Variants in DDR2 observed in about 807,000 individuals in gnomAD.
DDR2 encodes discoidin domain-containing receptor 2.
A neutral mutation model predicts 94.9 loss-of-function variants in DDR2; 27 were observed. That is an observed-to-expected ratio of 0.28 (90% CI 0.21 to 0.39). DDR2 has a LOEUF of 0.39. DDR2 is among the 10% of genes least tolerant of loss of function. DDR2 has a pLI of 1.00. For synonymous variants in DDR2, 382 were observed against 377.2 expected, an observed-to-expected ratio of 1.01 and a Z score of -0.15; for missense variants, 783 against 1,076.0, an observed-to-expected ratio of 0.73 and a Z score of 3.81.
intron 2 of DDR2, among the ~76,000 whole-genome samples, chr1:162,672,251 T>C (rs1355883964): frequency 1.3e-5 from 2 of 152,162 alleles, no homozygotes; most frequent in South Asian, 4.1e-4. Flanking sequence ...GTCTGTCTCA[T>C]AGAGTTGTGA....
chr1:162,654,740 C>T (rs953277329), intron 1 of DDR2, among the ~76,000 whole-genome samples: 3 of 152,044 alleles, frequency 2.0e-5, no homozygotes, highest in South Asian at 2.1e-4. Flanking sequence ...CATTCTCTCA[C>T]GAGTGTACGG....
chr1:162,756,583 C>T (rs1047342486), intron 7 of DDR2, among the ~76,000 whole-genome samples: 8 of 152,162 alleles, frequency 5.3e-5, no homozygotes, highest in Non-Finnish European at 1.0e-4. Context: ...TTCAGTCCAT[C>T]GTGAAGACCA....
chr1:162,645,066 G>C (rs1406860810), intron 1 of DDR2, among the ~76,000 whole-genome samples: 1 of 152,186 alleles, frequency 6.6e-6, no homozygotes, highest in Non-Finnish European at 1.5e-5. Context: ...ATGGCCAAGG[G>C]CCTTATGGAA....
chr1:162,775,382 C>A (rs1288067183), intron 14 of DDR2, among the ~76,000 whole-genome samples: 1 of 152,066 alleles, frequency 6.6e-6, no homozygotes, highest in Non-Finnish European at 1.5e-5. Flanking sequence ...TTCTGTGTGG[C>A]AGGGATTTTG....
At chr1:162,655,678 C>T (rs1571152348) in intron 2 of DDR2, among the ~76,000 whole-genome samples, 1 of 152,332 alleles carries the variant, frequency 6.6e-6, no homozygotes, top group African/African-American at 2.4e-5. Context: ...GCCAGGGTAC[C>T]TGGCCTCTTT....
chr1:162,733,295 T>C (rs1316144461), intron 3 of DDR2, among the ~76,000 whole-genome samples: 1 of 152,220 alleles, frequency 6.6e-6, no homozygotes. Context: ...TCTTGACTAT[T>C]GGCTGAGATC....
In DDR2 at chr1:162,785,787, T is replaced by G. The variant is rs1648123913; in HGVS notation, c.*5541T>G. On this transcript the variant is annotated 3_prime_UTR_variant, in exon 18 of 18. Coordinates refer to ENST00000367921, the MANE Select transcript of DDR2 (RefSeq NM_006182.4). ...AAAAATTACTCAGACTTGTTCCTGG[T>G]GAAGTGCATTCTCTGTTTGTATACT... The G allele has an allele frequency of 6.6e-6, 1 of 152,244 alleles. No individual in the cohort carries two copies. Among genetic ancestry groups the G allele is most frequent in the South Asian group, 2.1e-4 (1 of 4,830 alleles). 9.4% of individuals were successfully genotyped at this position (152,244 alleles called of 1,614,324 possible).
At chr1:162,761,695 TAC>T (rs1400430941) in intron 9 of DDR2, among the ~76,000 whole-genome samples, 1 of 152,150 alleles carries the variant, frequency 6.6e-6, no homozygotes, top group East Asian at 1.9e-4. Flanking sequence ...TAAATGAGAG[TAC>T]AGTGTGTTAA....
intron 2 of DDR2, among the ~76,000 whole-genome samples, chr1:162,716,611 A>G (rs1401779091): frequency 1.3e-5 from 2 of 152,088 alleles, no homozygotes; most frequent in African/African-American, 4.8e-5. Flanking sequence ...TGTAGATCAC[A>G]TACCCCTCAG....
At position 162,715,395 on chromosome 1, in the gene DDR2, T is replaced by A. The variant is rs529420287; in HGVS notation, c.-27-3642T>A. Among the ~76,000 whole-genome samples, 13 of 152,240 alleles carry A rather than the reference T, an allele frequency of 8.5e-5. No homozygotes were observed. The East Asian group carries it at 2.5e-3, about 29-fold the overall frequency. On this transcript the variant is annotated intron_variant, in intron 2 of 17. Transcript: ENST00000367921. ...ATGAGAGAATATTTTGCTGAGAAAG[T>A]GACCATTTAGTAGAGATTTGAACTA...
chr1:162,717,208 G>T (rs944597455), intron 2 of DDR2, among the ~76,000 whole-genome samples: 5 of 152,028 alleles, frequency 3.3e-5, no homozygotes, highest in African/African-American at 1.2e-4. Context: ...GCTAATTTTT[G>T]TATTTCTAAC....
intron 3 of DDR2, chr1:162,741,825 CTCTT>C (rs1662627468): frequency 1.2e-6 from 1 of 838,592 alleles, no homozygotes; most frequent in Admixed American, 6.2e-5. Flanking sequence ...CCAGAAGCCT[CTCTT>C]TATTCATTAA....
At chr1:162,767,200 T>C (rs775274493) in intron 10 of DDR2, 29 bp from the exon 11 acceptor site, 1 of 1,614,048 alleles carries the variant, frequency 6.2e-7, no homozygotes, top group Non-Finnish European at 8.5e-7. Context: ...GAGATGATTG[T>C]ATTCTCTGCC....
chr1:162,777,534 A>G (rs1647643671), intron 16 of DDR2, among the ~76,000 whole-genome samples: 2 of 152,094 alleles, frequency 1.3e-5, no homozygotes, highest in African/African-American at 4.8e-5. Context: ...GAATTGCTAT[A>G]TTTTACCCAT....
intron 3 of DDR2, among the ~76,000 whole-genome samples, chr1:162,733,944 C>A (rs1233602989): frequency 6.6e-6 from 1 of 152,112 alleles, no homozygotes; most frequent in Non-Finnish European, 1.5e-5. Flanking sequence ...ATAGAAAGAG[C>A]CAGTAATAGC....
intron 2 of DDR2, among the ~76,000 whole-genome samples, chr1:162,672,297 ATAAAAAAAAGT>A (rs1175906450): frequency 6.6e-6 from 1 of 152,080 alleles, no homozygotes; most frequent in African/African-American, 2.4e-5. Flanking sequence ...AGTAGTGCTT[ATAAAAAAAAGT>A]CTGACATAAT....
Position 162,773,540 on chromosome 1 carries a change from C to T in DDR2, c.1800C>T (p.Asn600=), listed in dbSNP as rs764842026. The T allele has an allele frequency of 9.9e-6, 16 of 1,613,986 alleles. No homozygotes were observed. Among genetic ancestry groups the T allele is most frequent in the Non-Finnish European group, 1.2e-5 (14 of 1,179,978 alleles). ...DKDFALDVSA[N]QPVLVAVKML... The stretch of plus-strand genomic sequence containing the variant: ...ATTTTGCCCTAGATGTCAGTGCCAA[C>T]CAGCCTGTCCTGGTGGCTGTGAAAA... Residue 600 remains asparagine, a synonymous_variant, in exon 14 of 18, where the codon AAC becomes AAT. Transcript: ENST00000367921.
intron 3 of DDR2, among the ~76,000 whole-genome samples, chr1:162,728,560 A>G (rs1661837606): frequency 6.6e-6 from 1 of 152,186 alleles, no homozygotes; most frequent in Non-Finnish European, 1.5e-5. Flanking sequence ...TTATGATCAA[A>G]GGCCTTGTCT....
chr1:162,683,211 A>G (rs1659498078), intron 2 of DDR2, among the ~76,000 whole-genome samples: 1 of 152,180 alleles, frequency 6.6e-6, no homozygotes, highest in Non-Finnish European at 1.5e-5. Context: ...TAAAAAGTTT[A>G]CAGCTAACAT....
Sources: allele counts gnomAD v4.1 joint callset (sites outside exome capture counted in the v4.1 genomes callset), GRCh38; gene constraint gnomAD v4.1.1; transcripts MANE v1.5; gene names NCBI Gene and HGNC (gene_info 2026-07-23, HGNC 2026-07-21).